Variants in SLC24A3 observed in about 807,000 individuals in gnomAD.
The protein encoded by SLC24A3 is solute carrier family 24 member 3, also known as sodium/potassium/calcium exchanger 3.
SLC24A3 carries 28 observed loss-of-function variants against 75.8 expected under a neutral mutation model. That is an observed-to-expected ratio of 0.37 (90% CI 0.27 to 0.51). SLC24A3 has a LOEUF of 0.51. Ranked by LOEUF, SLC24A3 falls within the 20% of genes least tolerant of loss-of-function variation. The pLI, the probability that SLC24A3 is intolerant of heterozygous loss-of-function variation, is 0.94. For synonymous variants in SLC24A3, 372 were observed against 334.1 expected (o/e 1.11, Z -1.24); for missense variants, 663 against 847.8 (o/e 0.78, Z 2.71).
At chr20:19,458,243 T>C (rs1987613279) in intron 2 of SLC24A3, among the ~76,000 whole-genome samples, 1 of 152,214 alleles carries the variant, frequency 6.6e-6, no homozygotes, top group African/African-American at 2.4e-5. Flanking sequence ...TTTTTATTGT[T>C]AGTTTCACTT....
chr20:19,566,982 G>T (rs921859283), intron 3 of SLC24A3, among the ~76,000 whole-genome samples: 1 of 152,172 alleles, frequency 6.6e-6, no homozygotes, highest in Non-Finnish European at 1.5e-5. Flanking sequence ...CAGATAGAAT[G>T]GCTATTATTA....
intron 1 of SLC24A3, among the ~76,000 whole-genome samples, chr20:19,251,367 G>A (rs1982648542): frequency 1.3e-5 from 2 of 152,208 alleles, no homozygotes; most frequent in Non-Finnish European, 2.9e-5. Flanking sequence ...GGGAAGAAAA[G>A]TAAGAACTTA....
At chr20:19,570,764 G>A (rs1007268565) in intron 3 of SLC24A3, among the ~76,000 whole-genome samples, 1 of 152,242 alleles carries the variant, frequency 6.6e-6, no homozygotes, top group African/African-American at 2.4e-5. Flanking sequence ...CCCAGGTTTT[G>A]CCAGTATTAC....
At chr20:19,507,687 T>C (rs1988481040) in intron 2 of SLC24A3, among the ~76,000 whole-genome samples, 1 of 152,200 alleles carries the variant, frequency 6.6e-6, no homozygotes, top group Admixed American at 6.5e-5. Context: ...GAAAGGGATG[T>C]AGAAATACTC....
intron 2 of SLC24A3, among the ~76,000 whole-genome samples, chr20:19,499,339 G>A (rs1212491521): frequency 1.3e-5 from 2 of 152,220 alleles, no homozygotes; most frequent in East Asian, 3.8e-4. Flanking sequence ...GAAGCTAGAA[G>A]TCTGAGAACT....
intron 2 of SLC24A3, among the ~76,000 whole-genome samples, chr20:19,427,056 CGTGTGTGTGTGCAT>C (rs1987019949): frequency 6.6e-6 from 1 of 151,722 alleles, no homozygotes; most frequent in African/African-American, 2.4e-5. Context: ...CCTGTGTGTG[CGTGTGTGTGTGCAT>C]GTGTGTGTGT....
rs145937342 is a variant in SLC24A3 at position 19,324,672 on chromosome 20, G to A, written c.271+43585G>A. The stretch of plus-strand genomic sequence containing the variant: ...ATCAAGTTGTTGCTTCATTAATGAC[G>A]TTTCCTTAGGCTATGTCTATAGAAT... On this transcript the variant is annotated intron_variant, in intron 2 of 16. Coordinates refer to ENST00000328041, the MANE Select transcript of SLC24A3 (RefSeq NM_020689.4). 2.5e-3 allele frequency among the ~76,000 whole-genome samples: 379 copies of A among 152,250 alleles called. 3 individuals carry two copies. The highest frequency in any genetic ancestry group is 8.7e-3 in the African/African-American group (362 of 41,546).
At chr20:19,554,026 A>G (rs960233139) in intron 3 of SLC24A3, among the ~76,000 whole-genome samples, 1 of 152,208 alleles carries the variant, frequency 6.6e-6, no homozygotes. Flanking sequence ...GAATGAATCC[A>G]ATGATAACAA....
intron 6 of SLC24A3, among the ~76,000 whole-genome samples, chr20:19,592,554 A>G (rs1259458241): frequency 6.6e-6 from 1 of 152,200 alleles, no homozygotes; most frequent in African/African-American, 2.4e-5. Context: ...TCCCTTTAGT[A>G]TGGCACACCT....
At chr20:19,621,246 A>G (rs2031800417) in intron 6 of SLC24A3, among the ~76,000 whole-genome samples, 1 of 152,134 alleles carries the variant, frequency 6.6e-6, no homozygotes, top group Admixed American at 6.5e-5. Flanking sequence ...GCTTGAGTGG[A>G]TCTCCAGAGA....
chr20:19,308,839 C>G (rs556864080), intron 2 of SLC24A3, among the ~76,000 whole-genome samples: 1 of 152,108 alleles, frequency 6.6e-6, no homozygotes, highest in African/African-American at 2.4e-5. Context: ...TCTAGGAACT[C>G]GACAAATGTC....
chr20:19,581,226 G>A (rs1307870588), intron 4 of SLC24A3, among the ~76,000 whole-genome samples: 2 of 152,126 alleles, frequency 1.3e-5, no homozygotes, highest in African/African-American at 2.4e-5. Flanking sequence ...ACCTGAGAGT[G>A]GGGTCACCTT....
At chr20:19,716,038 A>C (rs2033041975) in intron 15 of SLC24A3, among the ~76,000 whole-genome samples, 1 of 152,202 alleles carries the variant, frequency 6.6e-6, no homozygotes, top group Non-Finnish European at 1.5e-5. Flanking sequence ...TGGTTCTTAA[A>C]CTTTCCTGTG....
chr20:19,586,058 G>A (rs1290822026), intron 6 of SLC24A3, among the ~76,000 whole-genome samples: 3 of 152,152 alleles, frequency 2.0e-5, no homozygotes, highest in Non-Finnish European at 1.5e-5. Context: ...TTGGGGTTAT[G>A]AAGGGCTTAG....
At chr20:19,518,632 G>A (rs1357229514) in intron 3 of SLC24A3, among the ~76,000 whole-genome samples, 1 of 152,226 alleles carries the variant, frequency 6.6e-6, no homozygotes, top group African/African-American at 2.4e-5. Flanking sequence ...GAGAGTGAGA[G>A]AATATGAGCG....
At chr20:19,357,901 A>G (rs894599463) in intron 2 of SLC24A3, among the ~76,000 whole-genome samples, 1 of 152,236 alleles carries the variant, frequency 6.6e-6, no homozygotes, top group African/African-American at 2.4e-5. Flanking sequence ...ATTTTGCCAA[A>G]TGGCCATGCT....
At chr20:19,582,790 A>G (rs2031237329) in intron 4 of SLC24A3, among the ~76,000 whole-genome samples, 1 of 152,154 alleles carries the variant, frequency 6.6e-6, no homozygotes, top group Admixed American at 6.5e-5. Context: ...GCATTTCAGG[A>G]AGAAGAGTGA....
chr20:19,708,874 G>A (rs2032958160), intron 15 of SLC24A3, among the ~76,000 whole-genome samples: 1 of 152,222 alleles, frequency 6.6e-6, no homozygotes, highest in Non-Finnish European at 1.5e-5. Flanking sequence ...CTGAGGGAAG[G>A]AAGGGTTCTT....
Position 19,370,146 on chromosome 20 carries a change from C to T in SLC24A3, c.271+89059C>T, listed in dbSNP as rs771023808. The stretch of plus-strand genomic sequence containing the variant: ...AAGATAATTCCAAAATCGCTGGGTG[C>T]AAAGCCATGGAAGTGGTTGTAAATC... On this transcript the variant is annotated intron_variant, in intron 2 of 16. Transcript: ENST00000328041. Among the ~76,000 whole-genome samples, 50 of 152,160 alleles carry T rather than the reference C, an allele frequency of 3.3e-4. 1 individual carries two copies. Among genetic ancestry groups the T allele is most frequent in the Non-Finnish European group, 5.6e-4 (38 of 68,030 alleles).
Sources: gnomAD v4.1 joint callset for allele counts (sites outside exome capture counted in the v4.1 genomes callset) on GRCh38, gnomAD v4.1.1 for gene constraint, MANE v1.5 for transcripts, NCBI Gene and HGNC (gene_info 2026-07-23, HGNC 2026-07-21) for gene names.